The following PI4K2A variants were observed in gnomAD, a reference collection of about 807,000 sequenced individuals.
PI4K2A encodes the protein phosphatidylinositol 4-kinase type 2-alpha.
Under a neutral mutation model 55.0 loss-of-function variants are expected in PI4K2A, and 20 were observed. The ratio of observed to expected loss-of-function variants is 0.36; its 90% CI spans 0.26 to 0.53. The LOEUF (loss-of-function observed/expected upper bound fraction) is 0.53, where lower values mean the gene tolerates loss of function less well. PI4K2A is among the 20% of genes least tolerant of loss of function. The probability of loss-of-function intolerance (pLI) is 0.91; values close to 1 mark genes in which losing one functional copy is unlikely to be tolerated. For synonymous variants in PI4K2A, 235 were observed against 258.5 expected (o/e 0.91, Z 0.87); for missense variants, 463 against 637.1 (o/e 0.73, Z 2.94).
intron 4 of PI4K2A, among the ~76,000 whole-genome samples, chr10:97,660,293 G>A (rs1421855205): frequency 2.4e-4 from 32 of 134,542 alleles, no homozygotes; most frequent in Admixed American, 5.5e-4. Flanking sequence ...GAGCCACCGC[G>A]CCCGGCCTTT....
intron 4 of PI4K2A, among the ~76,000 whole-genome samples, chr10:97,659,129 G>C (rs1332973309): frequency 6.6e-6 from 1 of 152,104 alleles, no homozygotes; most frequent in East Asian, 1.9e-4. Flanking sequence ...CGGACTCCTG[G>C]GCTCAAGTGA....
chr10:97,643,594 T>C (rs1105976), intron 1 of PI4K2A, among the ~76,000 whole-genome samples: 48,813 of 151,960 alleles, frequency 0.32, 9,623 homozygotes, highest in African/African-American at 0.56. Flanking sequence ...TAAAATTTCC[T>C]GGCCACTATC....
rs1456147953 is a variant in PI4K2A, at chr10:97,650,115, C to A, written c.436-826C>A. Among the ~76,000 whole-genome samples, 3 of 151,964 alleles carry A rather than the reference C, an allele frequency of 2.0e-5. No homozygotes were observed. In the East Asian group the frequency reaches 5.8e-4, roughly 29 times the overall value. On this transcript the variant is annotated intron_variant, in intron 1 of 8. Coordinates refer to ENST00000370631, the Ensembl canonical transcript of PI4K2A. ...GCATGCAAAAAAAGAGAACATATAA[C>A]CTGTGATAAGTTAATTCCTCATTTT...
At chr10:97,672,123 A>C (rs1258548720) in intron 8 of PI4K2A, among the ~76,000 whole-genome samples, 1 of 151,038 alleles carries the variant, frequency 6.6e-6, no homozygotes, top group Admixed American at 6.6e-5. Context: ...GCTCACTGCA[A>C]CCTCCACCTC....
chr10:97,663,377 T>C (rs1225709674), intron 5 of PI4K2A, among the ~76,000 whole-genome samples: 1 of 152,200 alleles, frequency 6.6e-6, no homozygotes, highest in Non-Finnish European at 1.5e-5. Flanking sequence ...AAGCTGCTCC[T>C]GCAACTTTCT....
upstream of PI4K2A, chr10:97,640,684 C>A: frequency 1.6e-6 from 2 of 1,268,140 alleles, no homozygotes; most frequent in South Asian, 3.6e-5. Context: ...ACGGATTGGT[C>A]GCGGCCGCGA....
chr10:97,665,306 C>T (rs1421006822), intron 6 of PI4K2A, among the ~76,000 whole-genome samples: 1 of 151,980 alleles, frequency 6.6e-6, no homozygotes, highest in African/African-American at 2.4e-5. Context: ...TGGAGTTTCG[C>T]TCTTGTTGCC....
At chr10:97,648,359 T>C (rs893721406) in intron 1 of PI4K2A, among the ~76,000 whole-genome samples, 4 of 152,130 alleles carry the variant, frequency 2.6e-5, no homozygotes, top group African/African-American at 9.7e-5. Flanking sequence ...CCCAAAGTGC[T>C]GGGATTACAG....
chr10:97,644,340 G>A (rs2041493904), intron 1 of PI4K2A, among the ~76,000 whole-genome samples: 1 of 151,202 alleles, frequency 6.6e-6, no homozygotes. Context: ...GACAGAGTGA[G>A]ACTCCGTCTC....
chr10:97,666,594 C>T (rs753479117), intron 7 of PI4K2A, 23 bp downstream of exon 7: 1 of 1,583,310 alleles, frequency 6.3e-7, no homozygotes, highest in South Asian at 1.2e-5. Flanking sequence ...AACCTCAGCC[C>T]TATTATCATA....
chr10:97,642,436 C>G (rs2041474849), intron 1 of PI4K2A, among the ~76,000 whole-genome samples: 1 of 147,916 alleles, frequency 6.8e-6, no homozygotes, highest in African/African-American at 2.5e-5. Context: ...GAGTCTTGCT[C>G]TGTCGCCAGG....
intron 4 of PI4K2A, among the ~76,000 whole-genome samples, chr10:97,658,198 C>A (rs2041564346): frequency 1.3e-5 from 2 of 152,158 alleles, no homozygotes; most frequent in Admixed American, 1.3e-4. Flanking sequence ...CTTCATTCCC[C>A]CTCCCTACGT....
At position 97,641,223 on chromosome 10, in the gene PI4K2A, G is replaced by A. The variant is rs375933211; in HGVS notation, c.435+46G>A. The A allele has an allele frequency of 1.4e-4, 203 of 1,460,588 alleles. 1 individual carries two copies. The African/African-American group carries it at 2.4e-3, about 18-fold the overall frequency. The allele number at this position is 1,460,588 out of a possible 1,614,324, so 90.5% of individuals were successfully genotyped here. A position where few individuals can be genotyped will look rare whatever the true frequency, so the allele number is the denominator to read the frequency against. On this transcript the variant is annotated intron_variant, in intron 1 of 8. Transcript: ENST00000370631. Reference sequence around the variant, plus strand: ...CGCCGCCGCGGGCTGAGGGCCGGCGGCGCTCCTGGGGAGTTGGGGGCTTCG... The same window carrying A: ...CGCCGCCGCGGGCTGAGGGCCGGCGACGCTCCTGGGGAGTTGGGGGCTTCG...
intron 2 of PI4K2A, among the ~76,000 whole-genome samples, chr10:97,652,459 A>T (rs1007406600): frequency 2.8e-5 from 4 of 144,624 alleles, no homozygotes; most frequent in African/African-American, 1.0e-4. Flanking sequence ...TGCCTGGCTA[A>T]TTTTTTTTTT....
chr10:97,664,663 A>G (rs2041601487), intron 5 of PI4K2A, among the ~76,000 whole-genome samples: 1 of 152,156 alleles, frequency 6.6e-6, no homozygotes, highest in South Asian at 2.1e-4. Context: ...ACCTTTTCTA[A>G]GATAAGAACA....
intron 4 of PI4K2A, among the ~76,000 whole-genome samples, chr10:97,658,027 G>A (rs763709893): frequency 6.6e-6 from 1 of 152,096 alleles, no homozygotes; most frequent in African/African-American, 2.4e-5. Flanking sequence ...TAGAGATGGG[G>A]TTTCACCATG....
At chr10:97,641,002 A>C (rs773473144) in exon 1 of PI4K2A, 4 of 1,552,000 alleles carry the variant, frequency 2.6e-6, no homozygotes, top group Non-Finnish European at 3.5e-6. Flanking sequence ...CTGGCCGCTC[A>C]GGCCGCGGCG....
At chr10:97,648,455 A>G (rs1436361186) in intron 1 of PI4K2A, among the ~76,000 whole-genome samples, 5 of 151,994 alleles carry the variant, frequency 3.3e-5, no homozygotes, top group African/African-American at 1.2e-4. Flanking sequence ...GCCTCAGGCA[A>G]TCCTGCCTCA....
intron 8 of PI4K2A, among the ~76,000 whole-genome samples, chr10:97,673,327 C>T (rs573201031): frequency 3.3e-5 from 5 of 152,202 alleles, no homozygotes; most frequent in East Asian, 1.9e-4. Context: ...AACTCTGCGT[C>T]GTTCTTTTGT....
Sources: gnomAD v4.1 joint callset for allele counts (sites outside exome capture counted in the v4.1 genomes callset) on GRCh38, gnomAD v4.1.1 for gene constraint, MANE v1.5 for transcripts, NCBI Gene and HGNC (gene_info 2026-07-23, HGNC 2026-07-21) for gene names.